Variants in RORA observed in about 807,000 individuals in gnomAD.
The protein encoded by RORA is RAR related orphan receptor A, also known as nuclear receptor ROR-alpha.
A neutral mutation model predicts 69.5 loss-of-function variants in RORA; 7 were observed. The observed-to-expected ratio is 0.10, with a 90% CI of 0.06 to 0.19. RORA has a LOEUF of 0.19. Ranked by LOEUF, RORA falls within the 10% of genes least tolerant of loss-of-function variation. RORA has a pLI of 1.00. For missense variants in RORA, 457 were observed against 663.0 expected, an observed-to-expected ratio of 0.69 and a Z score of 3.41; for synonymous variants, 261 against 240.8, an observed-to-expected ratio of 1.08 and a Z score of -0.78.
At chr15:60,606,229 G>T in intron 2 of RORA, among the ~76,000 whole-genome samples, 1 of 152,190 alleles carries the variant, frequency 6.6e-6, no homozygotes, top group East Asian at 1.9e-4. Flanking sequence ...TGATATGCCT[G>T]TGTATCCCTG....
intron 1 of RORA, among the ~76,000 whole-genome samples, chr15:61,215,505 G>T (rs2080032715): frequency 6.6e-6 from 1 of 152,216 alleles, no homozygotes; most frequent in South Asian, 2.1e-4. Context: ...GCCTGGCATT[G>T]ATGCCATCAT....
chr15:60,924,167 G>A (rs1357113490), intron 1 of RORA, among the ~76,000 whole-genome samples: 1 of 151,944 alleles, frequency 6.6e-6, no homozygotes, highest in African/African-American at 2.4e-5. Context: ...TCAGCTTGTT[G>A]ACAACTTATC....
chr15:60,658,075 CTTTCT>C (rs1005135042), intron 2 of RORA, among the ~76,000 whole-genome samples: 5 of 150,602 alleles, frequency 3.3e-5, no homozygotes, highest in Non-Finnish European at 5.9e-5. Context: ...TTACATTTTT[CTTTCT>C]TTTTTTCTTT....
chr15:60,678,710 T>C lies in RORA; in HGVS notation c.167-24A>G, dbSNP rs199616498. ...ACCTGGAAGAGAAGAAACAATAACA[T>C]AGGTTAGAAAGTGCCCTGTGTGTGC... is the stretch of plus-strand genomic sequence containing the variant. On this transcript the variant is annotated intron_variant, in intron 1 of 10. Coordinates refer to ENST00000335670, the MANE Select transcript of RORA (RefSeq NM_134261.3). 137 of 1,605,502 alleles carry C rather than the reference T, an allele frequency of 8.5e-5. No individual in the cohort carries two copies. In the Middle Eastern group the frequency reaches 9.9e-4, roughly 12 times the overall value.
chr15:60,664,060 A>C (rs2070345995), intron 2 of RORA, among the ~76,000 whole-genome samples: 1 of 152,206 alleles, frequency 6.6e-6, no homozygotes, highest in Admixed American at 6.5e-5. Flanking sequence ...TCTCAGGTGA[A>C]GCAATTTAGG....
intron 1 of RORA, among the ~76,000 whole-genome samples, chr15:60,988,016 TGCTGTCCCCTG>T (rs1164344247): frequency 2.0e-5 from 3 of 152,230 alleles, no homozygotes; most frequent in Non-Finnish European, 4.4e-5. Context: ...CAGCTTGGCC[TGCTGTCCCCTG>T]GCTGCCAAGA....
chr15:60,635,638 G>C (rs1163612494), intron 2 of RORA, among the ~76,000 whole-genome samples: 1 of 152,150 alleles, frequency 6.6e-6, no homozygotes, highest in Non-Finnish European at 1.5e-5. Context: ...CACTTTAAAA[G>C]GCGTTTCCAA....
intron 2 of RORA, among the ~76,000 whole-genome samples, chr15:60,579,070 T>G (rs894653630): frequency 6.7e-6 from 1 of 150,368 alleles, no homozygotes; most frequent in East Asian, 1.9e-4. Context: ...CCCGGTTTTT[T>G]TTTTTTTTTT....
chr15:60,574,579 A>G (rs2067973748), intron 2 of RORA, among the ~76,000 whole-genome samples: 1 of 152,218 alleles, frequency 6.6e-6, no homozygotes, highest in Non-Finnish European at 1.5e-5. Flanking sequence ...TGTACCATTT[A>G]CCACGTGTAC....
intron 1 of RORA, among the ~76,000 whole-genome samples, chr15:61,074,443 T>C (rs559982123): frequency 5.3e-5 from 8 of 152,324 alleles, no homozygotes; most frequent in Non-Finnish European, 1.0e-4. Flanking sequence ...CAGACATAGA[T>C]ACTGGATATG....
chr15:60,848,607 AG>A (rs1388297043), intron 1 of RORA: 5 of 152,406 alleles, frequency 3.3e-5, no homozygotes, highest in South Asian at 2.1e-4. Flanking sequence ...TTATAAAGAG[AG>A]GGGGTTTAAT....
At chr15:60,854,656 G>A (rs1018676613) in intron 1 of RORA, among the ~76,000 whole-genome samples, 2 of 152,170 alleles carry the variant, frequency 1.3e-5, no homozygotes, top group African/African-American at 2.4e-5. Flanking sequence ...CCTAGCAACA[G>A]AAATACATAA....
chr15:60,792,402 C>T (rs928731209), intron 1 of RORA, among the ~76,000 whole-genome samples: 3 of 152,120 alleles, frequency 2.0e-5, no homozygotes, highest in Admixed American at 6.5e-5. Context: ...TTTGAAGGAA[C>T]GGCTGAAAAT....
chr15:60,958,858 G>T (rs1009906346), intron 1 of RORA, among the ~76,000 whole-genome samples: 8 of 152,136 alleles, frequency 5.3e-5, no homozygotes, highest in African/African-American at 1.9e-4. Flanking sequence ...CACTCAGTAG[G>T]TTTGCACAGC....
chr15:61,194,957 T>C (rs2079833575), intron 1 of RORA, among the ~76,000 whole-genome samples: 2 of 126,890 alleles, frequency 1.6e-5, no homozygotes, highest in African/African-American at 2.9e-5. Flanking sequence ...ATGATTAATA[T>C]AGCACCAGAA....
intron 2 of RORA, among the ~76,000 whole-genome samples, chr15:60,559,127 C>T (rs532992655): frequency 4.6e-5 from 7 of 150,746 alleles, no homozygotes; most frequent in Admixed American, 2.0e-4. Context: ...AAGTGTAATA[C>T]GAAATAAAGA....
At chr15:60,989,694 A>G (rs995267701) in intron 1 of RORA, among the ~76,000 whole-genome samples, 16 of 152,206 alleles carry the variant, frequency 1.1e-4, no homozygotes, top group Non-Finnish European at 2.9e-5. Flanking sequence ...GACCACTCCA[A>G]AACCACTTTT....
intron 1 of RORA, among the ~76,000 whole-genome samples, chr15:60,898,491 T>C (rs993276182): frequency 2.8e-5 from 4 of 141,172 alleles, no homozygotes; most frequent in African/African-American, 8.1e-5. Context: ...CAGTGAGACA[T>C]TGTCTCTAAA....
chr15:60,667,146 AC>A (rs1412123172), intron 2 of RORA, among the ~76,000 whole-genome samples: 2 of 152,190 alleles, frequency 1.3e-5, no homozygotes, highest in African/African-American at 4.8e-5. Flanking sequence ...GAGTCTTGGT[AC>A]CACTAGACAA....
Sources: allele counts gnomAD v4.1 joint callset (sites outside exome capture counted in the v4.1 genomes callset), GRCh38; gene constraint gnomAD v4.1.1; transcripts MANE v1.5; gene names NCBI Gene and HGNC (gene_info 2026-07-23, HGNC 2026-07-21).